SH3RF3: variants seen among roughly 807,000 people sequenced by gnomAD.
SH3RF3 encodes the protein SH3 domain containing ring finger 3.
Under a neutral mutation model 66.3 loss-of-function variants are expected in SH3RF3, and 29 were observed. The ratio of observed to expected loss-of-function variants is 0.44; its 90% CI spans 0.33 to 0.60. SH3RF3 has a LOEUF of 0.60. Among genes scored for constraint, SH3RF3 ranks in the 20% least tolerant of loss-of-function variants. The probability of loss-of-function intolerance (pLI) is 0.04; values close to 1 mark genes in which losing one functional copy is unlikely to be tolerated. For missense variants in SH3RF3, 1,194 were observed against 1,190.9 expected (o/e 1.00, Z -0.04); for synonymous variants, 583 against 532.0 (o/e 1.10, Z -1.32).
intron 1 of SH3RF3, among the ~76,000 whole-genome samples, chr2:109,342,758 C>T (rs369509135): frequency 1.7e-3 from 252 of 152,230 alleles, no homozygotes; most frequent in African/African-American, 5.5e-3. Flanking sequence ...CCGGAGATGG[C>T]GCCGTTGTGC....
Position 109,247,753 on chromosome 2 carries a change from A to C in SH3RF3, c.574-99921A>C, listed in dbSNP as rs77234939. On this transcript the variant is annotated intron_variant, in intron 1 of 9. Coordinates refer to ENST00000309415, the MANE Select transcript of SH3RF3 (RefSeq NM_001099289.3). Reference sequence around the variant, plus strand: ...ATTTGCTGTATAACAGAAACCCAAAACTTAGAGGCTTAAAATAATACCTTT... The same window carrying C: ...ATTTGCTGTATAACAGAAACCCAAACCTTAGAGGCTTAAAATAATACCTTT... 3.8e-3 allele frequency among the ~76,000 whole-genome samples: 574 copies of C among 152,270 alleles called. 26 individuals are homozygous for C. The East Asian group carries it at 0.1, about 27-fold the overall frequency.
intron 1 of SH3RF3, among the ~76,000 whole-genome samples, chr2:109,150,340 GC>G (rs1258844108): frequency 6.6e-6 from 1 of 152,166 alleles, no homozygotes; most frequent in Non-Finnish European, 1.5e-5. Context: ...GGAGAGGATG[GC>G]CGAGGCAGGT....
At chr2:109,302,293 C>T (rs1454135181) in intron 1 of SH3RF3, among the ~76,000 whole-genome samples, 1 of 152,148 alleles carries the variant, frequency 6.6e-6, no homozygotes, top group Non-Finnish European at 1.5e-5. Context: ...TGACTGTAAT[C>T]ATCCATAACA....
At chr2:109,498,274 G>A (rs1167837198) in intron 9 of SH3RF3, among the ~76,000 whole-genome samples, 1 of 152,122 alleles carries the variant, frequency 6.6e-6, no homozygotes, top group African/African-American at 2.4e-5. Context: ...GCTGGTATTC[G>A]GGACTGCGAC....
At chr2:109,369,868 C>G (rs557820955) in intron 2 of SH3RF3, among the ~76,000 whole-genome samples, 24 of 152,312 alleles carry the variant, frequency 1.6e-4, no homozygotes, top group African/African-American at 5.1e-4. Context: ...CCCTCTGACC[C>G]CAAAAGAGGC....
chr2:109,366,765 A>T (rs1022078625), intron 2 of SH3RF3, among the ~76,000 whole-genome samples: 3 of 152,158 alleles, frequency 2.0e-5, no homozygotes, highest in African/African-American at 7.2e-5. Context: ...AGGAGGGAGG[A>T]CCACTTGCGC....
intron 3 of SH3RF3, among the ~76,000 whole-genome samples, chr2:109,391,495 C>T (rs956697193): frequency 6.6e-6 from 1 of 152,236 alleles, no homozygotes; most frequent in East Asian, 1.9e-4. Context: ...CACACTCCTG[C>T]AGTGCTCTAG....
intron 1 of SH3RF3, among the ~76,000 whole-genome samples, chr2:109,162,941 G>T (rs942507274): frequency 6.6e-6 from 1 of 152,164 alleles, no homozygotes; most frequent in African/African-American, 2.4e-5. Flanking sequence ...TGCCTTTCAA[G>T]ATAGCTGAAA....
intron 2 of SH3RF3, among the ~76,000 whole-genome samples, chr2:109,362,654 C>T (rs1559043553): frequency 6.6e-6 from 1 of 152,064 alleles, no homozygotes; most frequent in Non-Finnish European, 1.5e-5. Context: ...TGTCTCTGTC[C>T]ATTTCTGATT....
chr2:109,398,478 T>G, intron 3 of SH3RF3, 112 bp from the exon 4 acceptor site: 1 of 958,862 alleles, frequency 1.0e-6, no homozygotes, highest in Non-Finnish European at 1.5e-6. Flanking sequence ...GTCTGACGGA[T>G]TTGAATGCAT....
At chr2:109,365,830 A>G (rs1052333513) in intron 2 of SH3RF3, among the ~76,000 whole-genome samples, 1 of 152,222 alleles carries the variant, frequency 6.6e-6, no homozygotes, top group African/African-American at 2.4e-5. Context: ...CATCGCAGGT[A>G]TCCATCCCTT....
intron 1 of SH3RF3, among the ~76,000 whole-genome samples, chr2:109,150,824 TA>T (rs1380336273): frequency 8.6e-5 from 13 of 151,426 alleles, no homozygotes; most frequent in Middle Eastern, 6.8e-3. Context: ...GGGGAGAAAT[TA>T]AAAAAAAAGT....
intron 9 of SH3RF3, among the ~76,000 whole-genome samples, chr2:109,498,818 G>A (rs1679319052): frequency 1.3e-5 from 2 of 152,196 alleles, no homozygotes. Flanking sequence ...CTGGGCAGTG[G>A]AAGATGGTAA....
intron 3 of SH3RF3, among the ~76,000 whole-genome samples, chr2:109,390,129 C>T (rs560449257): frequency 7.9e-5 from 12 of 152,362 alleles, no homozygotes; most frequent in African/African-American, 2.6e-4. Context: ...GGGTCCCCAC[C>T]TGCTGCCAAG....
intron 9 of SH3RF3, among the ~76,000 whole-genome samples, chr2:109,499,249 C>T (rs978977175): frequency 1.8e-4 from 28 of 152,068 alleles, no homozygotes; most frequent in African/African-American, 1.7e-4. Flanking sequence ...GATGGGTACC[C>T]GGGCAGTCCA....
chr2:109,416,762 C>G (rs910587820), intron 4 of SH3RF3, among the ~76,000 whole-genome samples: 1 of 151,800 alleles, frequency 6.6e-6, no homozygotes, highest in African/African-American at 2.4e-5. Context: ...AAATATTAGC[C>G]GGGGGTGGTA....
At chr2:109,397,861 G>A (rs1676191794) in intron 3 of SH3RF3, among the ~76,000 whole-genome samples, 1 of 152,224 alleles carries the variant, frequency 6.6e-6, no homozygotes, top group South Asian at 2.1e-4. Context: ...CCACCACCCA[G>A]GATCAGACTT....
intron 1 of SH3RF3, among the ~76,000 whole-genome samples, chr2:109,291,626 T>C (rs1382536952): frequency 1.3e-5 from 2 of 152,158 alleles, no homozygotes; most frequent in Non-Finnish European, 2.9e-5. Context: ...TGGGGAAATG[T>C]GTGGAGGAAT....
chr2:109,212,001 A>G (rs527925572), intron 1 of SH3RF3, among the ~76,000 whole-genome samples: 1 of 152,352 alleles, frequency 6.6e-6, no homozygotes, highest in Non-Finnish European at 1.5e-5. Flanking sequence ...CACTGAATTC[A>G]ATAAATGACT....
Sources: gnomAD v4.1 joint callset for allele counts (sites outside exome capture counted in the v4.1 genomes callset) on GRCh38, gnomAD v4.1.1 for gene constraint, MANE v1.5 for transcripts, NCBI Gene and HGNC (gene_info 2026-07-23, HGNC 2026-07-21) for gene names.